Variants in GRIP1 observed in about 807,000 individuals in gnomAD.
GRIP1 encodes the protein glutamate receptor-interacting protein 1.
GRIP1 carries 45 observed loss-of-function variants against 129.9 expected under a neutral mutation model. That is an observed-to-expected ratio of 0.35 (90% CI 0.27 to 0.44). The LOEUF is 0.44. Among genes scored for constraint, GRIP1 ranks in the 20% least tolerant of loss-of-function variants. The pLI, the probability that GRIP1 is intolerant of heterozygous loss-of-function variation, is 1.00. For synonymous variants in GRIP1, 530 were observed against 520.8 expected (o/e 1.02, Z -0.24); for missense variants, 1,196 against 1,396.8 (o/e 0.86, Z 2.29).
At chr12:66,690,086 T>C (rs1400233566) in intron 1 of GRIP1, among the ~76,000 whole-genome samples, 1 of 151,882 alleles carries the variant, frequency 6.6e-6, no homozygotes, top group Non-Finnish European at 1.5e-5. Flanking sequence ...ACATGGCTAA[T>C]TTCTTCTATT....
At chr12:66,393,330 C>T (rs563278271) in intron 17 of GRIP1, among the ~76,000 whole-genome samples, 1 of 152,054 alleles carries the variant, frequency 6.6e-6, no homozygotes, top group Non-Finnish European at 1.5e-5. Context: ...AGGCAAGCAC[C>T]ACCATCCCCA....
chr12:66,831,752 T>C (rs146606808), intron 1 of GRIP1, among the ~76,000 whole-genome samples: 85 of 152,278 alleles, frequency 5.6e-4, no homozygotes, highest in African/African-American at 2.0e-3. Context: ...ACGAGCACGG[T>C]ACAAAACCCA....
Position 66,734,002 on chromosome 12 carries a change from G to A in GRIP1, c.-420+70051C>T, listed in dbSNP as rs1273156287. Among the ~76,000 whole-genome samples, 6 of 152,174 alleles carry A rather than the reference G, an allele frequency of 3.9e-5. No homozygotes were observed. In the East Asian group the frequency reaches 7.7e-4, roughly 20 times the overall value. On this transcript the variant is annotated intron_variant, in intron 1 of 4. Coordinates refer to the GRIP1 transcript ENST00000538373. ...TTTCAGGAGAGAGGTGGTTTTCTAC[G>A]TACGCTGCAACTAGGAGAGGCAAAA...
In GRIP1 at chr12:66,456,786, G is replaced by A. The variant is rs923217451; in HGVS notation, c.1043-444C>T. ...AAGAAAAGAAAGAGCAATAAATCAC[G>A]TTGGTGCATGATTCAAGTGGTTTAC... On this transcript the variant is annotated intron_variant, in intron 9 of 24. Coordinates refer to ENST00000359742, the MANE Select transcript of GRIP1 (RefSeq NM_001366722.1). Among the ~76,000 whole-genome samples the A allele has an allele frequency of 7.2e-5, 11 of 152,242 alleles. No homozygotes were observed. The East Asian group carries it at 1.2e-3, about 16-fold the overall frequency.
At chr12:66,783,890 C>T (rs949287324) in intron 1 of GRIP1, among the ~76,000 whole-genome samples, 1 of 152,086 alleles carries the variant, frequency 6.6e-6, no homozygotes, top group African/African-American at 2.4e-5. Flanking sequence ...AAATATCTAA[C>T]CTGTAGTAGA....
chr12:66,419,287 A>G (rs1324836350), intron 15 of GRIP1, among the ~76,000 whole-genome samples: 5 of 152,104 alleles, frequency 3.3e-5, no homozygotes, highest in Non-Finnish European at 5.9e-5. Context: ...AAGGATGGTT[A>G]CCAGAGGCTA....
intron 16 of GRIP1, among the ~76,000 whole-genome samples, chr12:66,404,989 G>A (rs755664133): frequency 2.6e-5 from 4 of 152,114 alleles, no homozygotes; most frequent in Non-Finnish European, 4.4e-5. Context: ...CAGAGTTGGC[G>A]CCACTGCACT....
chr12:66,793,430 C>T (rs904412401), intron 1 of GRIP1, among the ~76,000 whole-genome samples: 2 of 152,034 alleles, frequency 1.3e-5, no homozygotes, highest in African/African-American at 4.8e-5. Flanking sequence ...TACATCAGTC[C>T]CTAATTTCAG....
chr12:66,574,607 A>G (rs1250220438), intron 2 of GRIP1, among the ~76,000 whole-genome samples: 9 of 152,194 alleles, frequency 5.9e-5, no homozygotes, highest in Non-Finnish European at 8.8e-5. Flanking sequence ...TTGTTTGACC[A>G]TTCCTCTATT....
chr12:66,560,310 T>C (rs1215871741), intron 2 of GRIP1, among the ~76,000 whole-genome samples: 1 of 152,016 alleles, frequency 6.6e-6, no homozygotes, highest in South Asian at 2.1e-4. Flanking sequence ...AAAGTAAAAA[T>C]GGATAAATGG....
intron 1 of GRIP1, among the ~76,000 whole-genome samples, chr12:66,648,866 C>T (rs2032571918): frequency 6.6e-6 from 1 of 152,162 alleles, no homozygotes; most frequent in Admixed American, 6.5e-5. Flanking sequence ...GGAAAGTTGA[C>T]AAATATTTCT....
intron 1 of GRIP1, among the ~76,000 whole-genome samples, chr12:66,653,568 T>A (rs1372106517): frequency 1.3e-5 from 2 of 152,190 alleles, no homozygotes; most frequent in Non-Finnish European, 2.9e-5. Flanking sequence ...ATTTGGCAGT[T>A]TAGCATTTAT....
chr12:66,709,055 GA>G (rs1018794953), intron 1 of GRIP1, among the ~76,000 whole-genome samples: 3 of 151,520 alleles, frequency 2.0e-5, no homozygotes, highest in African/African-American at 7.3e-5. Flanking sequence ...GAAAAAAAAT[GA>G]AAAATAAGAT....
chr12:66,444,614 C>T lies in GRIP1; in HGVS notation c.1657G>A (p.Val553Ile). 1 of 1,614,024 alleles carries T rather than the reference C, an allele frequency of 6.2e-7. No homozygotes were observed. The highest frequency in any genetic ancestry group is 1.7e-5 in the Admixed American group (1 of 60,006). The change falls in exon 13 of 25, where the codon GTC becomes ATC. Residue 553 changes from valine (V) to isoleucine (I), a missense_variant. Transcript: ENST00000359742. ...ACATCAAACTCGATTTCCAGTGTGA[C>T]CTTGCTCGTGATTGAAGAGTCTCGG... is the stretch of plus-strand genomic sequence containing the variant. ...LLRDSSITSK[V>I]TLEIEFDVAE...
chr12:66,596,763 T>A (rs2064067710), intron 2 of GRIP1, 84 bp downstream of exon 2: 5 of 784,462 alleles, frequency 6.4e-6, no homozygotes, highest in East Asian at 2.6e-5. Context: ...TATTATTATT[T>A]TTACCAAGTT....
At chr12:67,043,963 G>A (rs1168555320) in intron 1 of GRIP1, among the ~76,000 whole-genome samples, 2 of 152,072 alleles carry the variant, frequency 1.3e-5, no homozygotes, top group Admixed American at 1.3e-4. Flanking sequence ...GCATTTCTCA[G>A]CTGCTGAACT....
At chr12:66,993,713 C>T (rs2042426748) in intron 1 of GRIP1, among the ~76,000 whole-genome samples, 1 of 150,258 alleles carries the variant, frequency 6.7e-6, no homozygotes, top group Admixed American at 6.6e-5. Context: ...ATCACTTGAA[C>T]CCTGGAGGCG....
At chr12:66,772,874 G>A (rs927935642) in intron 1 of GRIP1, among the ~76,000 whole-genome samples, 2 of 152,172 alleles carry the variant, frequency 1.3e-5, no homozygotes, top group Admixed American at 6.5e-5. Flanking sequence ...AATTAGGCCT[G>A]AGCACAAGCT....
At chr12:66,842,348 T>C (rs1470445837) in intron 1 of GRIP1, among the ~76,000 whole-genome samples, 1 of 152,110 alleles carries the variant, frequency 6.6e-6, no homozygotes, top group Non-Finnish European at 1.5e-5. Context: ...TGGAAGGATA[T>C]ATCATGATTT....
Sources: allele counts gnomAD v4.1 joint callset (sites outside exome capture counted in the v4.1 genomes callset), GRCh38; gene constraint gnomAD v4.1.1; transcripts MANE v1.5; gene names NCBI Gene and HGNC (gene_info 2026-07-23, HGNC 2026-07-21).